NREP: variants seen among roughly 807,000 people sequenced by gnomAD.
NREP encodes neuronal regeneration related protein, also known as neuronal regeneration-related protein.
A neutral mutation model predicts 8.6 loss-of-function variants in NREP; 5 were observed. The observed-to-expected ratio is 0.58, with a 90% CI of 0.30 to 1.22. NREP has a LOEUF of 1.22. Among genes scored for constraint, NREP ranks in the 50% most tolerant of loss-of-function variants. The pLI is 0.07. For missense variants in NREP, 86 were observed against 82.5 expected (o/e 1.04, Z -0.17); for synonymous variants, 27 against 28.0 (o/e 0.96, Z 0.11).
intron 2 of NREP, among the ~76,000 whole-genome samples, chr5:111,903,050 T>C: frequency 6.6e-6 from 1 of 151,892 alleles, no homozygotes; most frequent in South Asian, 2.1e-4. Flanking sequence ...TATCTTTTAA[T>C]TCTATTTTCC....
intron 2 of NREP, among the ~76,000 whole-genome samples, chr5:111,815,840 A>G (rs1752373412): frequency 1.3e-5 from 2 of 152,314 alleles, no homozygotes; most frequent in South Asian, 4.1e-4. Flanking sequence ...GAAAAGTTCT[A>G]AGAAAATACA....
chr5:111,791,316 A>T (rs145051139), intron 2 of NREP, among the ~76,000 whole-genome samples: 2 of 152,296 alleles, frequency 1.3e-5, no homozygotes, highest in Admixed American at 6.5e-5. Flanking sequence ...CCTTGAACTT[A>T]TTCCTCCTAA....
At chr5:111,837,936 A>G (rs1194329064) in intron 2 of NREP, among the ~76,000 whole-genome samples, 1 of 152,054 alleles carries the variant, frequency 6.6e-6, no homozygotes, top group Non-Finnish European at 1.5e-5. Context: ...CTGTTATGTG[A>G]AGTCTATAAC....
chr5:111,796,356 C>G (rs1476002346), intron 2 of NREP, among the ~76,000 whole-genome samples: 1 of 152,154 alleles, frequency 6.6e-6, no homozygotes, highest in Non-Finnish European at 1.5e-5. Context: ...AAATTCTTAG[C>G]TTTACCAGAT....
intron 2 of NREP, among the ~76,000 whole-genome samples, chr5:111,815,775 G>C (rs956929378): frequency 1.2e-4 from 18 of 152,134 alleles, no homozygotes; most frequent in Admixed American, 1.1e-3. Context: ...CGCCATGTAA[G>C]ATACAGGTAA....
intron 2 of NREP, among the ~76,000 whole-genome samples, chr5:111,744,323 C>T (rs542021066): frequency 7.5e-4 from 114 of 152,186 alleles, no homozygotes; most frequent in African/African-American, 2.5e-3. Flanking sequence ...TCATAACAGA[C>T]CACTAAATTT....
intron 2 of NREP, among the ~76,000 whole-genome samples, chr5:111,908,621 G>A (rs1279877916): frequency 6.6e-6 from 1 of 151,866 alleles, no homozygotes; most frequent in Non-Finnish European, 1.5e-5. Context: ...CTTTTTCATG[G>A]CTGCATAGTA....
At chr5:111,750,118 GGTCT>G (rs1750261694) in intron 2 of NREP, among the ~76,000 whole-genome samples, 2 of 152,096 alleles carry the variant, frequency 1.3e-5, no homozygotes, top group African/African-American at 4.8e-5. Flanking sequence ...TAGTTTTTGA[GGTCT>G]GTCCTTGACA....
intron 2 of NREP, among the ~76,000 whole-genome samples, chr5:111,852,211 G>T (rs1412792963): frequency 6.6e-6 from 1 of 152,186 alleles, no homozygotes; most frequent in East Asian, 1.9e-4. Context: ...CCCAATGGTG[G>T]TGGAAGGTAA....
Position 111,969,487 on chromosome 5 carries a change from G to T in NREP, c.135+5787C>A, listed in dbSNP as rs752302602. On this transcript the variant is annotated intron_variant, in intron 2 of 3. Coordinates refer to the NREP transcript ENST00000395634. ...ATAGACATACAGTAGCCATAATAAA[G>T]AAGATAAACGTTCCCCCATCTTCTA... 2.6e-5 allele frequency: 4 copies of T among 152,290 alleles called. No individual in the cohort carries two copies. The East Asian group carries it at 7.7e-4, about 29-fold the overall frequency. 9.4% of individuals were successfully genotyped at this position (152,290 alleles called of 1,614,324 possible).
chr5:111,855,428 G>A (rs943612538), intron 2 of NREP, among the ~76,000 whole-genome samples: 1 of 152,172 alleles, frequency 6.6e-6, no homozygotes, highest in Non-Finnish European at 1.5e-5. Flanking sequence ...GGTTTGAGGA[G>A]CTTCAAGCTT....
chr5:111,733,723 G>C (rs1416426800), intron 3 of NREP: 1 of 152,154 alleles, frequency 6.6e-6, no homozygotes, highest in Non-Finnish European at 1.5e-5. Flanking sequence ...AGAGCTGAGG[G>C]ACTTGAGTAA....
At chr5:111,739,187 T>TAAAC (rs1749427767) in intron 2 of NREP, 1 of 152,164 alleles carries the variant, frequency 6.6e-6, no homozygotes, top group South Asian at 2.1e-4. Context: ...ATCAACAGAC[T>TAAAC]AAACAACAAA....
chr5:111,831,398 A>G (rs1170525908), intron 2 of NREP, among the ~76,000 whole-genome samples: 2 of 152,126 alleles, frequency 1.3e-5, no homozygotes, highest in Admixed American at 1.3e-4. Context: ...GCATGTCTTC[A>G]GTTTTTTAGT....
At chr5:111,911,933 C>T (rs559728773) in intron 2 of NREP, among the ~76,000 whole-genome samples, 6 of 152,174 alleles carry the variant, frequency 3.9e-5, no homozygotes, top group African/African-American at 1.4e-4. Context: ...GTCTTCACCC[C>T]ATTTTACAGA....
intron 2 of NREP, among the ~76,000 whole-genome samples, chr5:111,842,614 TG>T (rs1205796532): frequency 6.6e-6 from 1 of 152,224 alleles, no homozygotes; most frequent in Non-Finnish European, 1.5e-5. Flanking sequence ...AAAGGTAATG[TG>T]TATACTATCA....
At chr5:111,922,920 C>A (rs942152862) in intron 2 of NREP, among the ~76,000 whole-genome samples, 1 of 152,198 alleles carries the variant, frequency 6.6e-6, no homozygotes, top group Non-Finnish European at 1.5e-5. Context: ...TTTCGTGCTG[C>A]TGACTTGGCT....
At chr5:111,942,878 T>G (rs1755869110) in intron 2 of NREP, among the ~76,000 whole-genome samples, 1 of 152,072 alleles carries the variant, frequency 6.6e-6, no homozygotes, top group Admixed American at 6.6e-5. Flanking sequence ...TCAGTTTCCT[T>G]GACTGTAAAA....
chr5:111,736,502 TAACA>T (rs1251525029), intron 2 of NREP, among the ~76,000 whole-genome samples: 3 of 152,154 alleles, frequency 2.0e-5, no homozygotes, highest in African/African-American at 7.2e-5. Context: ...ATTAACAGAT[TAACA>T]AACAGACTTA....
Sources: allele counts gnomAD v4.1 joint callset (sites outside exome capture counted in the v4.1 genomes callset), GRCh38; gene constraint gnomAD v4.1.1; transcripts MANE v1.5; gene names NCBI Gene and HGNC (gene_info 2026-07-23, HGNC 2026-07-21).